The following TEX36 variants were observed in gnomAD, a reference collection of about 807,000 sequenced individuals.
TEX36 encodes testis expressed 36.
In TEX36, 12 loss-of-function variants were observed where a neutral mutation model predicts 13.6. The ratio of observed to expected loss-of-function variants is 0.88; its 90% CI spans 0.56 to 1.43. The LOEUF is 1.43. Ranked by LOEUF, TEX36 falls within the 40% of genes most tolerant of loss-of-function variation. TEX36 has a pLI of 0.00. For missense variants in TEX36, 224 were observed against 228.3 expected (o/e 0.98, Z 0.12); for synonymous variants, 93 against 83.0 (o/e 1.12, Z -0.65).
Position 125,592,758 on chromosome 10 carries a change from A to G in TEX36, c.265-15884T>C, listed in dbSNP as rs1007523969. 2.6e-5 allele frequency among the ~76,000 whole-genome samples: 4 copies of G among 151,936 alleles called. No individual in the cohort carries two copies. The East Asian group carries it at 5.8e-4, about 22-fold the overall frequency. ...CTGGCTATAAGTCAGGAGTCCCACA[A>G]CCCCCTTCCTCACATTTGATTACTT... On this transcript the variant is annotated intron_variant, in intron 3 of 3. Coordinates refer to the TEX36 transcript ENST00000532135.
intron 3 of TEX36, among the ~76,000 whole-genome samples, chr10:125,594,551 T>TA (rs1156370511): frequency 6.6e-6 from 1 of 152,228 alleles, no homozygotes; most frequent in Non-Finnish European, 1.5e-5. Context: ...CAAGTATATT[T>TA]AAAAAATGTT....
chr10:125,660,638 A>G lies in TEX36; in HGVS notation c.264+383T>C, dbSNP rs555744624. Among the ~76,000 whole-genome samples, 280 of 152,320 alleles carry G rather than the reference A, an allele frequency of 1.8e-3. 2 individuals carry two copies. In the South Asian group the frequency reaches 0.022, roughly 12 times the overall value. On this transcript the variant is annotated intron_variant, in intron 3 of 3. Coordinates refer to ENST00000368821, the MANE Select transcript of TEX36 (RefSeq NM_001128202.3). The stretch of plus-strand genomic sequence containing the variant: ...CAGTTACAAGGAAATCCTTCCTTAT[A>G]TTATGTAAGCTCCTCCTCCTTCTGA...
intron 3 of TEX36, among the ~76,000 whole-genome samples, chr10:125,659,682 G>A (rs1325343670): frequency 6.6e-6 from 1 of 152,036 alleles, no homozygotes; most frequent in Non-Finnish European, 1.5e-5. Flanking sequence ...AGGGATTTGG[G>A]GCAAGTTGTT....
At chr10:125,663,696 CCTTTTTTAA>C (rs1287139458) in intron 1 of TEX36, among the ~76,000 whole-genome samples, 1 of 152,012 alleles carries the variant, frequency 6.6e-6, no homozygotes. Context: ...TTATATGTCT[CCTTTTTTAA>C]ATTTTTTAAA....
At chr10:125,662,139 C>CA (rs1847055366) in intron 1 of TEX36, among the ~76,000 whole-genome samples, 162 bp from the exon 2 acceptor site, 1 of 152,200 alleles carries the variant, frequency 6.6e-6, no homozygotes, top group African/African-American at 2.4e-5. Context: ...CTTTCCAAGA[C>CA]AAAAAACATT....
At chr10:125,662,174 C>T (rs541914476) in intron 1 of TEX36, among the ~76,000 whole-genome samples, 197 bp from the exon 2 acceptor site, 1 of 152,194 alleles carries the variant, frequency 6.6e-6, no homozygotes, top group Non-Finnish European at 1.5e-5. Flanking sequence ...CCATCACTGC[C>T]GGTTGTTTCA....
chr10:125,609,380 C>T (rs572868712), intron 3 of TEX36, among the ~76,000 whole-genome samples: 2 of 152,260 alleles, frequency 1.3e-5, no homozygotes, highest in South Asian at 4.2e-4. Context: ...TCACCCAGCA[C>T]GGTTCCTCTT....
chr10:125,613,326 A>T (rs1305616371), intron 3 of TEX36, among the ~76,000 whole-genome samples: 9 of 145,504 alleles, frequency 6.2e-5, no homozygotes, highest in Non-Finnish European at 1.0e-4. Context: ...CATGTGCACC[A>T]TGTGCAGGTT....
chr10:125,682,123 G>A (rs1366590920), intron 1 of TEX36, among the ~76,000 whole-genome samples: 2 of 152,098 alleles, frequency 1.3e-5, no homozygotes, highest in Non-Finnish European at 2.9e-5. Flanking sequence ...CATTCTTTTT[G>A]TGAATGAATT....
chr10:125,579,320 A>C (rs1845859303), intron 3 of TEX36, among the ~76,000 whole-genome samples: 1 of 152,170 alleles, frequency 6.6e-6, no homozygotes, highest in Non-Finnish European at 1.5e-5. Flanking sequence ...AGGCAGCAGG[A>C]AGGAAAAATG....
intron 3 of TEX36, among the ~76,000 whole-genome samples, chr10:125,626,343 T>C (rs1489114958): frequency 6.6e-6 from 1 of 152,172 alleles, no homozygotes; most frequent in East Asian, 1.9e-4. Context: ...GAGTGCCCCC[T>C]ATATCCTGGG....
At chr10:125,603,684 C>T (rs1237676533) in intron 3 of TEX36, among the ~76,000 whole-genome samples, 2 of 152,192 alleles carry the variant, frequency 1.3e-5, no homozygotes, top group African/African-American at 2.4e-5. Context: ...ACAAACCTCA[C>T]GTCCACAGTG....
Position 125,656,010 on chromosome 10 carries a change from A to G in TEX36, c.451T>C (p.Trp151Arg), listed in dbSNP as rs1312197553. 1 of 1,551,924 alleles carries G rather than the reference A, an allele frequency of 6.4e-7. No individual in the cohort carries two copies. Among genetic ancestry groups the G allele is most frequent in the Non-Finnish European group, 8.7e-7 (1 of 1,147,010 alleles). The change falls in exon 4 of 4, where the codon TGG becomes CGG. Residue 151 changes from tryptophan to arginine, a missense_variant. Trp to Arg is a moderately radical substitution (Grantham distance 101, BLOSUM62 -3). Coordinates refer to ENST00000368821, the MANE Select transcript of TEX36 (RefSeq NM_001128202.3). ...RRFPRCYKEIWNAFTFLPERS... is the reference protein window; with the variant it reads ...RRFPRCYKEIRNAFTFLPERS... ...TCAGGAAGAAATGTAAAAGCGTTCC[A>G]TATCTCTTTATAGCATCGTGGAAAG...
At chr10:125,623,750 C>T (rs1846453831) in intron 3 of TEX36, among the ~76,000 whole-genome samples, 1 of 152,168 alleles carries the variant, frequency 6.6e-6, no homozygotes, top group African/African-American at 2.4e-5. Context: ...CGAAGTCTCA[C>T]TGTGAATGTT....
intron 3 of TEX36, among the ~76,000 whole-genome samples, chr10:125,582,902 A>G (rs1011953441): frequency 1.3e-5 from 2 of 152,214 alleles, no homozygotes; most frequent in African/African-American, 4.8e-5. Context: ...CCAAATTTAA[A>G]TGTTATAAAA....
rs188245679 is a variant in TEX36 at position 125,612,173 on chromosome 10, A to G, written c.265-35299T>C. On this transcript the variant is annotated intron_variant, in intron 3 of 3. Transcript: ENST00000532135. ...ATCTTGGCTCACTGCAACCTCCACC[A>G]CCTGGGTCCAAGCAATCCCACTGCC... 7.7e-3 allele frequency among the ~76,000 whole-genome samples: 1,132 copies of G among 146,902 alleles called. 15 individuals carry two copies. Among genetic ancestry groups the G allele is most frequent in the African/African-American group, 0.027 (1,075 of 39,510 alleles).
At chr10:125,634,504 T>G in intron 3 of TEX36, among the ~76,000 whole-genome samples, 1 of 152,208 alleles carries the variant, frequency 6.6e-6, no homozygotes, top group East Asian at 1.9e-4. Flanking sequence ...AGCAAACTTC[T>G]TATCTTCTCT....
rs144670982 is a variant in TEX36, at chr10:125,612,649, G to A, written c.265-35775C>T. Among the ~76,000 whole-genome samples, 4 of 152,148 alleles carry A rather than the reference G, an allele frequency of 2.6e-5. No homozygotes were observed. The East Asian group carries it at 7.7e-4, about 29-fold the overall frequency. ...TTGGGCAACTGTCCTCTTCTTACCT[G>A]CAGTAGCTCCCTTAGTAATCCCCCG... is the stretch of plus-strand genomic sequence containing the variant. On this transcript the variant is annotated intron_variant, in intron 3 of 3. Coordinates refer to the TEX36 transcript ENST00000532135.
In TEX36 at chr10:125,655,816, G is replaced by C; in HGVS notation, c.*84C>G. ...AAAAGTACTTTAAAAATTAAATAGTGGTGCTGGATCAGAAAACATATACTT... is the reference window on the plus strand; with the variant it reads ...AAAAGTACTTTAAAAATTAAATAGTCGTGCTGGATCAGAAAACATATACTT... On this transcript the variant is annotated 3_prime_UTR_variant, in exon 4 of 4. Transcript: ENST00000368821. 7.3e-7 allele frequency: 1 copy of C among 1,362,632 alleles called. No individual in the cohort carries two copies. Among genetic ancestry groups the C allele is most frequent in the East Asian group, 2.7e-5 (1 of 37,364 alleles). The allele number at this position is 1,362,632 out of a possible 1,614,324, so 84.4% of individuals were successfully genotyped here. A position where few individuals can be genotyped will look rare whatever the true frequency, so the allele number is the denominator to read the frequency against.
Sources: gnomAD v4.1 joint callset for allele counts (sites outside exome capture counted in the v4.1 genomes callset) on GRCh38, gnomAD v4.1.1 for gene constraint, MANE v1.5 for transcripts, NCBI Gene and HGNC (gene_info 2026-07-23, HGNC 2026-07-21) for gene names.